EFCAB11: variants seen among roughly 807,000 people sequenced by gnomAD.
The protein encoded by EFCAB11 is EF-hand calcium-binding domain-containing protein 11.
EFCAB11 carries 14 observed loss-of-function variants against 23.0 expected under a neutral mutation model. The ratio of observed to expected loss-of-function variants is 0.61; its 90% CI spans 0.40 to 0.95. The LOEUF (loss-of-function observed/expected upper bound fraction) is 0.95. Ranked by LOEUF, EFCAB11 falls within the 40% of genes least tolerant of loss-of-function variation. The pLI, the probability that EFCAB11 is intolerant of heterozygous loss-of-function variation, is 0.00. For missense variants in EFCAB11, 198 were observed against 195.8 expected (o/e 1.01, Z -0.07); for synonymous variants, 65 against 66.6 (o/e 0.98, Z 0.11).
chr14:89,854,617 T>G (rs1303261454), intron 5 of EFCAB11, among the ~76,000 whole-genome samples: 1 of 152,138 alleles, frequency 6.6e-6, no homozygotes, highest in Non-Finnish European at 1.5e-5. Flanking sequence ...CAATGCACAT[T>G]TCTTGATAAA....
chr14:89,835,416 G>A (rs1887041086), intron 5 of EFCAB11, among the ~76,000 whole-genome samples: 1 of 152,036 alleles, frequency 6.6e-6, no homozygotes, highest in African/African-American at 2.4e-5. Context: ...TGTATAGCCT[G>A]AAGGTAATTT....
intron 5 of EFCAB11, among the ~76,000 whole-genome samples, chr14:89,819,523 G>A (rs1275789234): frequency 6.6e-6 from 1 of 152,032 alleles, no homozygotes; most frequent in Non-Finnish European, 1.5e-5. Context: ...GGGTTCAAGT[G>A]ATCCTCCCTG....
At chr14:89,822,912 G>A (rs1481010777) in intron 5 of EFCAB11, among the ~76,000 whole-genome samples, 7 of 152,142 alleles carry the variant, frequency 4.6e-5, no homozygotes, top group Non-Finnish European at 7.4e-5. Flanking sequence ...AGTAAACTTA[G>A]AACCTGCCAG....
intron 5 of EFCAB11, among the ~76,000 whole-genome samples, chr14:89,839,323 G>A (rs1241422142): frequency 1.3e-5 from 2 of 152,170 alleles, no homozygotes; most frequent in East Asian, 3.9e-4. Context: ...AAAAGGTGGA[G>A]GCTGAGTGAG....
chr14:89,900,868 G>A (rs539925947), intron 5 of EFCAB11, among the ~76,000 whole-genome samples: 2 of 152,112 alleles, frequency 1.3e-5, no homozygotes, highest in Non-Finnish European at 2.9e-5. Context: ...ATCTCTGAAG[G>A]AAGATTCAAT....
chr14:89,802,072 CA>C (rs932573659), intron 5 of EFCAB11, among the ~76,000 whole-genome samples: 3 of 151,318 alleles, frequency 2.0e-5, no homozygotes, highest in Non-Finnish European at 4.4e-5. Flanking sequence ...GACATCATAA[CA>C]ATTTCTTAGA....
chr14:89,931,100 G>A (rs915654352), intron 5 of EFCAB11: 1 of 155,218 alleles, frequency 6.4e-6, no homozygotes, highest in African/African-American at 2.4e-5. Context: ...AGGGAACAAG[G>A]GGGCTACCAT....
At chr14:89,842,628 ATATGATATG>A (rs757355118) in intron 5 of EFCAB11, among the ~76,000 whole-genome samples, 14,027 of 150,854 alleles carry the variant, frequency 0.093, 1,243 homozygotes, top group African/African-American at 0.23. Context: ...ATATGATATG[ATATGATATG>A]ATATAATATA....
intron 5 of EFCAB11, among the ~76,000 whole-genome samples, chr14:89,815,614 C>CG (rs1886311010): frequency 6.6e-6 from 1 of 151,950 alleles, no homozygotes; most frequent in South Asian, 2.1e-4. Context: ...TCAGTAGAGA[C>CG]GGGGTTTCAC....
intron 5 of EFCAB11, among the ~76,000 whole-genome samples, chr14:89,904,342 A>G (rs924366160): frequency 6.6e-6 from 1 of 152,186 alleles, no homozygotes; most frequent in African/African-American, 2.4e-5. Flanking sequence ...TCCATGGTGT[A>G]TATGTGCCAT....
chr14:89,866,436 C>T (rs1888093914), intron 5 of EFCAB11, among the ~76,000 whole-genome samples: 2 of 152,250 alleles, frequency 1.3e-5, no homozygotes, highest in African/African-American at 4.8e-5. Flanking sequence ...ACGTGGCCCA[C>T]GAGGCCTGTG....
chr14:89,883,413 C>T (rs1463331264), intron 5 of EFCAB11, among the ~76,000 whole-genome samples: 2 of 152,154 alleles, frequency 1.3e-5, no homozygotes, highest in African/African-American at 4.8e-5. Context: ...CTCCCATGAA[C>T]ACTAAAATTC....
At chr14:89,851,229 T>C (rs1456866741) in intron 5 of EFCAB11, among the ~76,000 whole-genome samples, 2 of 152,238 alleles carry the variant, frequency 1.3e-5, no homozygotes, top group Admixed American at 6.5e-5. Flanking sequence ...GCAGCCTTTG[T>C]ACATCTCCCT....
At position 89,932,617 on chromosome 14, in the gene EFCAB11, G is replaced by A. The variant is rs367898287; in HGVS notation, c.228C>T (p.Leu76=). 9.3e-6 allele frequency: 15 copies of A among 1,612,874 alleles called. No individual in the cohort carries two copies. The African/African-American group carries it at 1.1e-4, about 11-fold the overall frequency. The change falls in exon 4 of 6, where the codon CTC becomes CTT. Residue 76 remains leucine (L), a synonymous_variant. Coordinates refer to ENST00000316738, the MANE Select transcript of EFCAB11 (RefSeq NM_145231.4). ...SINPNTSGIL[L]EGFLNIVRKK... The stretch of plus-strand genomic sequence containing the variant: ...TCCTGACAATATTTAAAAACCCCTC[G>A]AGTAATATACCTAAAAGTTGGGGAA...
intron 5 of EFCAB11, among the ~76,000 whole-genome samples, chr14:89,818,352 T>TA (rs1886398642): frequency 6.6e-6 from 1 of 151,972 alleles, no homozygotes; most frequent in South Asian, 2.1e-4. Context: ...AACAACATAC[T>TA]ATGATTCAGT....
intron 5 of EFCAB11, among the ~76,000 whole-genome samples, chr14:89,926,250 A>C (rs1376424042): frequency 5.3e-5 from 8 of 152,232 alleles, no homozygotes. Context: ...TTGGTTTATG[A>C]AAGTAATTTG....
chr14:89,856,351 C>T (rs891866244), intron 5 of EFCAB11, among the ~76,000 whole-genome samples: 1 of 151,892 alleles, frequency 6.6e-6, no homozygotes, highest in Non-Finnish European at 1.5e-5. Flanking sequence ...ACCACACCTG[C>T]CTAATTTTTG....
At chr14:89,878,349 C>T (rs543406894) in intron 5 of EFCAB11, among the ~76,000 whole-genome samples, 3 of 152,164 alleles carry the variant, frequency 2.0e-5, no homozygotes, top group East Asian at 1.9e-4. Context: ...TTTTTAAATG[C>T]GTCTACTGGC....
At position 89,871,860 on chromosome 14, in the gene EFCAB11, T is replaced by C. The variant is rs369253921; in HGVS notation, c.410+59681A>G. 4.7e-4 allele frequency among the ~76,000 whole-genome samples: 72 copies of C among 152,326 alleles called. No individual in the cohort carries two copies. In the South Asian group the frequency reaches 0.014, roughly 29 times the overall value. On this transcript the variant is annotated intron_variant, in intron 5 of 5. Coordinates refer to ENST00000316738, the MANE Select transcript of EFCAB11 (RefSeq NM_145231.4). ...CTGCATTTCTTGCAATTTGTACTCA[T>C]TTTTCAGAAAAGGTGGGGAAGAGCT...
Sources: gnomAD v4.1 joint callset for allele counts (sites outside exome capture counted in the v4.1 genomes callset) on GRCh38, gnomAD v4.1.1 for gene constraint, MANE v1.5 for transcripts, NCBI Gene and HGNC (gene_info 2026-07-23, HGNC 2026-07-21) for gene names.